The following AMPH variants were observed in gnomAD, a reference collection of about 807,000 sequenced individuals.
AMPH encodes amphiphysin (Stiff-Mann syndrome with breast cancer 128kD autoantigen).
Under a neutral mutation model 99.1 loss-of-function variants are expected in AMPH, and 49 were observed. The observed-to-expected ratio is 0.49, with a 90% CI of 0.39 to 0.63. The LOEUF (loss-of-function observed/expected upper bound fraction) is 0.63, where lower values mean the gene tolerates loss of function less well. Among genes scored for constraint, AMPH ranks in the 20% least tolerant of loss-of-function variants. The probability of loss-of-function intolerance (pLI) is 0.00; values close to 1 mark genes in which losing one functional copy is unlikely to be tolerated. For missense variants in AMPH, 759 were observed against 863.4 expected, an observed-to-expected ratio of 0.88 and a Z score of 1.52; for synonymous variants, 314 against 317.3, an observed-to-expected ratio of 0.99 and a Z score of 0.11.
chr7:38,474,243 C>CA (rs982464842), intron 7 of AMPH, among the ~76,000 whole-genome samples: 13 of 145,464 alleles, frequency 8.9e-5, no homozygotes, highest in African/African-American at 2.8e-4. Flanking sequence ...ATAATGGCAC[C>CA]AAAAAAATAA....
intron 1 of AMPH, among the ~76,000 whole-genome samples, chr7:38,622,857 A>T (rs1794120547): frequency 6.6e-6 from 1 of 152,212 alleles, no homozygotes; most frequent in South Asian, 2.1e-4. Flanking sequence ...GCTCAGACAT[A>T]CTGAAGCTGA....
chr7:38,463,933 A>G (rs1202628729), intron 9 of AMPH, among the ~76,000 whole-genome samples: 1 of 152,224 alleles, frequency 6.6e-6, no homozygotes, highest in Non-Finnish European at 1.5e-5. Context: ...TGTACACAGC[A>G]GCATGGTCTA....
chr7:38,597,790 A>G (rs1234608863), intron 1 of AMPH, among the ~76,000 whole-genome samples: 2 of 152,328 alleles, frequency 1.3e-5, no homozygotes, highest in African/African-American at 4.8e-5. Flanking sequence ...AAATAGCTTT[A>G]TCTTTCCATC....
At chr7:38,391,009 GAGAGA>G (rs1562721122) in intron 19 of AMPH, among the ~76,000 whole-genome samples, 4 of 56,382 alleles carry the variant, frequency 7.1e-5, no homozygotes, top group African/African-American at 2.1e-4. Flanking sequence ...GAGAGAGAGA[GAGAGA>G]GAATGATACA....
chr7:38,401,370 G>A (rs1158965035), intron 17 of AMPH, among the ~76,000 whole-genome samples: 1 of 152,116 alleles, frequency 6.6e-6, no homozygotes, highest in Admixed American at 6.6e-5. Flanking sequence ...CCACCACCTA[G>A]GATCCTCAAT....
At chr7:38,460,409 A>G (rs1022951570) in intron 11 of AMPH, among the ~76,000 whole-genome samples, 2 of 152,222 alleles carry the variant, frequency 1.3e-5, no homozygotes, top group Non-Finnish European at 2.9e-5. Flanking sequence ...TCACAGCACT[A>G]TTGATAACAG....
At chr7:38,606,758 A>G (rs545285118) in intron 1 of AMPH, among the ~76,000 whole-genome samples, 11 of 152,012 alleles carry the variant, frequency 7.2e-5, no homozygotes, top group Admixed American at 5.2e-4. Context: ...ACTTTTTTGT[A>G]GAGACAGGGT....
intron 1 of AMPH, among the ~76,000 whole-genome samples, chr7:38,587,456 T>C (rs895949463): frequency 6.6e-6 from 1 of 152,212 alleles, no homozygotes; most frequent in Non-Finnish European, 1.5e-5. Context: ...GGCTCTCTGA[T>C]ATTTGGATCA....
intron 3 of AMPH, 25 bp from the exon 4 acceptor site, chr7:38,494,552 C>T (rs779449292): frequency 1.4e-5 from 23 of 1,592,516 alleles, no homozygotes; most frequent in South Asian, 1.1e-4. Context: ...AAACAACTCC[C>T]GTTACACAGA....
chr7:38,551,478 T>A (rs1791181042), intron 1 of AMPH, among the ~76,000 whole-genome samples: 1 of 152,214 alleles, frequency 6.6e-6, no homozygotes, highest in South Asian at 2.1e-4. Context: ...TCTTTTTTCC[T>A]TTCCCTCCTC....
chr7:38,400,856 T>C (rs974294032), intron 17 of AMPH, among the ~76,000 whole-genome samples: 1 of 152,222 alleles, frequency 6.6e-6, no homozygotes, highest in Non-Finnish European at 1.5e-5. Flanking sequence ...CAGCATGAAA[T>C]TCCATACTTA....
chr7:38,489,415 G>A (rs1369778045), intron 5 of AMPH, among the ~76,000 whole-genome samples: 3 of 151,516 alleles, frequency 2.0e-5, no homozygotes, highest in African/African-American at 2.4e-5. Context: ...GAGGGGGGGG[G>A]AAGCTTCATT....
At chr7:38,428,688 A>G (rs1317411464) in intron 14 of AMPH, 2 of 456,702 alleles carry the variant, frequency 4.4e-6, no homozygotes, top group East Asian at 1.4e-4. Flanking sequence ...TGGATTCAAG[A>G]TATCTGGGTG....
In AMPH at chr7:38,439,817, G is replaced by A. The variant is rs79287005; in HGVS notation, c.1018-3429C>T. On this transcript the variant is annotated intron_variant, in intron 11 of 20. Coordinates refer to ENST00000356264, the MANE Select transcript of AMPH (RefSeq NM_001635.4). ...ATGTTTCATGAGGTGTCTTCTACTTGGGACATCTAAGTTTATCAGTAAAGT... is the reference window on the plus strand; with the variant it reads ...ATGTTTCATGAGGTGTCTTCTACTTAGGACATCTAAGTTTATCAGTAAAGT... Among the ~76,000 whole-genome samples, 5 of 152,134 alleles carry A rather than the reference G, an allele frequency of 3.3e-5. No individual in the cohort carries two copies. In the East Asian group the frequency reaches 9.7e-4, roughly 29 times the overall value.
intron 1 of AMPH, among the ~76,000 whole-genome samples, chr7:38,586,919 C>T (rs1455584218): frequency 6.6e-6 from 1 of 152,036 alleles, no homozygotes; most frequent in Non-Finnish European, 1.5e-5. Flanking sequence ...AGATTAGAAA[C>T]CAGGTTGTCC....
At chr7:38,630,610 A>G (rs1269480812) in intron 1 of AMPH, among the ~76,000 whole-genome samples, 1 of 152,246 alleles carries the variant, frequency 6.6e-6, no homozygotes, top group Non-Finnish European at 1.5e-5. Context: ...GACCTTCTAA[A>G]GAAGGACACT....
chr7:38,548,971 C>G (rs1342696958), intron 1 of AMPH, among the ~76,000 whole-genome samples: 1 of 152,236 alleles, frequency 6.6e-6, no homozygotes, highest in Non-Finnish European at 1.5e-5. Flanking sequence ...ATGCCTGGTT[C>G]TCAGGTAGCC....
At chr7:38,462,088 G>A (rs1234510340) in intron 10 of AMPH, among the ~76,000 whole-genome samples, 2 of 152,090 alleles carry the variant, frequency 1.3e-5, no homozygotes, top group African/African-American at 2.4e-5. Context: ...TGATCACGAG[G>A]GTAAATGACT....
intron 8 of AMPH, 100 bp downstream of exon 8, chr7:38,466,073 G>A: frequency 1.1e-6 from 1 of 934,272 alleles, no homozygotes; most frequent in South Asian, 1.5e-5. Context: ...ACATACAAAA[G>A]GGTGAATTCT....
Sources: allele counts gnomAD v4.1 joint callset (sites outside exome capture counted in the v4.1 genomes callset), GRCh38; gene constraint gnomAD v4.1.1; transcripts MANE v1.5; gene names NCBI Gene and HGNC (gene_info 2026-07-23, HGNC 2026-07-21).